CHST8: variants seen among roughly 807,000 people sequenced by gnomAD.
The protein encoded by CHST8 is GALNAC-4-ST1.
Under a neutral mutation model 15.0 loss-of-function variants are expected in CHST8, and 10 were observed. The ratio of observed to expected loss-of-function variants is 0.67; its 90% CI spans 0.41 to 1.13. The LOEUF (loss-of-function observed/expected upper bound fraction) is 1.13, where lower values mean the gene tolerates loss of function less well. CHST8 is among the 50% of genes most tolerant of loss of function. The probability of loss-of-function intolerance (pLI) is 0.00; values close to 1 mark genes in which losing one functional copy is unlikely to be tolerated. For missense variants in CHST8, 634 were observed against 608.2 expected (o/e 1.04, Z -0.45); for synonymous variants, 259 against 256.6 (o/e 1.01, Z -0.09).
chr19:33,762,316 G>A (rs1282653334), intron 3 of CHST8, among the ~76,000 whole-genome samples: 4 of 152,178 alleles, frequency 2.6e-5, no homozygotes, highest in South Asian at 2.1e-4. Flanking sequence ...TGGCGCAGGC[G>A]GGACAGCCGT....
intron 1 of CHST8, among the ~76,000 whole-genome samples, chr19:33,648,359 A>G (rs2145207375): frequency 6.9e-6 from 1 of 145,660 alleles, no homozygotes; most frequent in South Asian, 2.2e-4. Flanking sequence ...TCACTCCAGA[A>G]AGAAACCCTG....
intron 3 of CHST8, among the ~76,000 whole-genome samples, chr19:33,738,287 T>G (rs1454391734): frequency 6.6e-6 from 1 of 152,162 alleles, no homozygotes; most frequent in Non-Finnish European, 1.5e-5. Flanking sequence ...TTTCACTGAG[T>G]CATTAATTGG....
intron 3 of CHST8, among the ~76,000 whole-genome samples, chr19:33,694,836 C>CAA (rs1973179662): frequency 6.6e-6 from 1 of 152,192 alleles, no homozygotes; most frequent in Non-Finnish European, 1.5e-5. Flanking sequence ...CTGCCTTGGC[C>CAA]TCCCAAAGTG....
intron 1 of CHST8, among the ~76,000 whole-genome samples, chr19:33,661,867 CAAAA>C (rs34236738): frequency 5.2e-5 from 4 of 76,662 alleles, no homozygotes; most frequent in Admixed American, 1.4e-4. Context: ...TTCATCTTTA[CAAAA>C]AAAAAAAAAA....
chr19:33,673,089 C>G (rs1276058944), intron 2 of CHST8, among the ~76,000 whole-genome samples: 3 of 152,178 alleles, frequency 2.0e-5, no homozygotes, highest in Admixed American at 1.3e-4. Context: ...AGATGTGGAA[C>G]CTCTGACCCA....
rs541114151 is a variant in CHST8 at position 33,708,548 on chromosome 19, T to A, written c.130+19157T>A. 4.6e-5 allele frequency among the ~76,000 whole-genome samples: 7 copies of A among 152,310 alleles called. No individual in the cohort carries two copies. The East Asian group carries it at 1.3e-3, about 29-fold the overall frequency. ...AATAAATTGACCATAAATTTAAGAG[T>A]TTATTTCTGGAATCTCAATTTATTT... On this transcript the variant is annotated intron_variant, in intron 3 of 4. Transcript: ENST00000650847.
intron 3 of CHST8, among the ~76,000 whole-genome samples, chr19:33,694,093 CATATATATATATATATATAT>C (rs3040787): frequency 0.15 from 4,604 of 31,422 alleles, 620 homozygotes; most frequent in Admixed American, 0.44. Context: ...GTAGTTTATT[CATATATATATATATATATAT>C]ATATATATAT....
intron 1 of CHST8, among the ~76,000 whole-genome samples, chr19:33,650,699 T>C (rs892203545): frequency 6.6e-6 from 1 of 151,550 alleles, no homozygotes; most frequent in Non-Finnish European, 1.5e-5. Flanking sequence ...ACCTGGTTAA[T>C]TTTTTTGCTT....
intron 3 of CHST8, among the ~76,000 whole-genome samples, chr19:33,702,833 C>A (rs929392960): frequency 6.6e-6 from 1 of 152,304 alleles, no homozygotes; most frequent in African/African-American, 2.4e-5. Context: ...GAGGAGGAAG[C>A]GGAGGTCACA....
chr19:33,680,809 G>A lies in CHST8; in HGVS notation c.-86-8367G>A, dbSNP rs146544034. Among the ~76,000 whole-genome samples the A allele has an allele frequency of 2.6e-4, 39 of 152,226 alleles. 1 individual carries two copies. Among genetic ancestry groups the A allele is most frequent in the South Asian group, 1.5e-3 (7 of 4,818 alleles). On this transcript the variant is annotated intron_variant, in intron 2 of 4. Coordinates refer to ENST00000650847, the MANE Select transcript of CHST8 (RefSeq NM_001127895.2). ...ATGGAAATGACTATCTCTTATTTAC[G>A]TGCACAACATTAGAATTGGCTTCCA...
At chr19:33,667,501 A>G (rs1052802590) in intron 1 of CHST8, among the ~76,000 whole-genome samples, 2 of 152,168 alleles carry the variant, frequency 1.3e-5, no homozygotes, top group Admixed American at 6.5e-5. Context: ...CTGGGGTGGC[A>G]GGCTCCCCCA....
At chr19:33,694,888 T>G (rs1242343405) in intron 3 of CHST8, among the ~76,000 whole-genome samples, 6 of 151,902 alleles carry the variant, frequency 3.9e-5, no homozygotes, top group African/African-American at 1.4e-4. Flanking sequence ...GCTTTACATG[T>G]TCTAATGCAT....
At chr19:33,677,597 A>G (rs945871254) in intron 2 of CHST8, among the ~76,000 whole-genome samples, 6 of 152,154 alleles carry the variant, frequency 3.9e-5, no homozygotes, top group African/African-American at 1.2e-4. Context: ...CACTGCAGGA[A>G]TCTTCTCAAA....
chr19:33,643,562 C>A (rs1972311502), intron 1 of CHST8, among the ~76,000 whole-genome samples: 1 of 152,202 alleles, frequency 6.6e-6, no homozygotes, highest in South Asian at 2.1e-4. Context: ...GTACCAGCAT[C>A]ATTTATGGAA....
At chr19:33,731,426 G>A (rs896392824) in intron 3 of CHST8, among the ~76,000 whole-genome samples, 3 of 152,180 alleles carry the variant, frequency 2.0e-5, no homozygotes, top group Admixed American at 2.0e-4. Flanking sequence ...CGGCACTGGT[G>A]GGAGTGTTTC....
intron 1 of CHST8, among the ~76,000 whole-genome samples, chr19:33,645,997 A>G (rs1972350917): frequency 6.6e-6 from 1 of 152,082 alleles, no homozygotes; most frequent in South Asian, 2.1e-4. Flanking sequence ...GCATGCTGGT[A>G]CATGCCTGTG....
chr19:33,672,527 G>T (rs571279459), intron 2 of CHST8, among the ~76,000 whole-genome samples: 5 of 152,100 alleles, frequency 3.3e-5, no homozygotes, highest in Non-Finnish European at 4.4e-5. Flanking sequence ...TCATCTTTGT[G>T]TACCATCTCA....
intron 2 of CHST8, among the ~76,000 whole-genome samples, chr19:33,674,357 G>C (rs1972782738): frequency 6.6e-6 from 1 of 152,216 alleles, no homozygotes; most frequent in Admixed American, 6.5e-5. Flanking sequence ...CGGCATGGGG[G>C]AGGGGCTGGG....
intron 3 of CHST8, among the ~76,000 whole-genome samples, chr19:33,723,088 C>A (rs1355733266): frequency 1.3e-5 from 2 of 152,174 alleles, no homozygotes; most frequent in East Asian, 3.8e-4. Context: ...ACTCCCTATG[C>A]GTGATCCTGT....
Sources: allele counts gnomAD v4.1 joint callset (sites outside exome capture counted in the v4.1 genomes callset), GRCh38; gene constraint gnomAD v4.1.1; transcripts MANE v1.5; gene names NCBI Gene and HGNC (gene_info 2026-07-23, HGNC 2026-07-21).